Variants in GPC5 observed in about 807,000 individuals in gnomAD.
GPC5 encodes the protein glypican 5.
Under a neutral mutation model 53.9 loss-of-function variants are expected in GPC5, and 47 were observed. The ratio of observed to expected loss-of-function variants is 0.87; its 90% CI spans 0.69 to 1.11. GPC5 has a LOEUF of 1.11. Among genes scored for constraint, GPC5 ranks in the 50% most tolerant of loss-of-function variants. The probability of loss-of-function intolerance (pLI) is 0.00; values close to 1 mark genes in which losing one functional copy is unlikely to be tolerated. For synonymous variants in GPC5, 286 were observed against 263.3 expected (o/e 1.09, Z -0.84); for missense variants, 748 against 713.1 (o/e 1.05, Z -0.56).
At chr13:91,778,887 C>T (rs1401616955) in intron 5 of GPC5, among the ~76,000 whole-genome samples, 3 of 152,236 alleles carry the variant, frequency 2.0e-5, no homozygotes, top group African/African-American at 7.2e-5. Context: ...ACTATATGCT[C>T]CTAGGCTAAG....
At chr13:91,769,613 C>G (rs973630698) in intron 5 of GPC5, among the ~76,000 whole-genome samples, 7 of 152,126 alleles carry the variant, frequency 4.6e-5, no homozygotes, top group Admixed American at 4.6e-4. Flanking sequence ...GGGAAATCAG[C>G]GTGTGTGGCT....
At chr13:92,487,099 G>A (rs1323571549) in intron 7 of GPC5, among the ~76,000 whole-genome samples, 1 of 152,054 alleles carries the variant, frequency 6.6e-6, no homozygotes. Flanking sequence ...CAGGTGATCT[G>A]CCTGCCTCAG....
chr13:92,570,854 C>T (rs1330272006), intron 7 of GPC5, among the ~76,000 whole-genome samples: 1 of 152,062 alleles, frequency 6.6e-6, no homozygotes, highest in Non-Finnish European at 1.5e-5. Context: ...TCACAACAGC[C>T]ACATAAAATG....
chr13:92,646,966 G>A lies in GPC5; in HGVS notation c.1562-219316G>A, dbSNP rs866624049. Among the ~76,000 whole-genome samples, 194 of 145,964 alleles carry A rather than the reference G, an allele frequency of 1.3e-3. 2 individuals are homozygous for A. The highest frequency in any genetic ancestry group is 4.4e-3 in the African/African-American group (160 of 36,702). ...TGTGTGTGTGTGTGTGTGTGTGTGT[G>A]TATATAAACCTGGCATTCTATGACC... On this transcript the variant is annotated intron_variant, in intron 7 of 7. Transcript: ENST00000377067.
chr13:91,459,055 G>GT (rs933281093), intron 2 of GPC5, among the ~76,000 whole-genome samples: 6 of 151,938 alleles, frequency 3.9e-5, no homozygotes, highest in African/African-American at 1.2e-4. Context: ...TTGGGGACTC[G>GT]TGAGGAAGGG....
intron 7 of GPC5, among the ~76,000 whole-genome samples, chr13:92,391,223 C>T (rs866143837): frequency 2.0e-5 from 3 of 152,064 alleles, no homozygotes; most frequent in Non-Finnish European, 4.4e-5. Flanking sequence ...ATTCTCCAAC[C>T]CATTTTTTTA....
intron 7 of GPC5, among the ~76,000 whole-genome samples, chr13:92,222,676 A>G (rs1240748672): frequency 3.3e-5 from 5 of 151,692 alleles, no homozygotes; most frequent in Admixed American, 3.3e-4. Flanking sequence ...ATCCTCCCTT[A>G]TTTTCTTTCA....
chr13:91,571,356 G>C (rs943914182), intron 2 of GPC5, among the ~76,000 whole-genome samples: 7 of 151,988 alleles, frequency 4.6e-5, no homozygotes, highest in African/African-American at 1.7e-4. Context: ...AAATGGGAAG[G>C]GGAAAAGATC....
chr13:92,031,272 T>C (rs993630683), intron 6 of GPC5, among the ~76,000 whole-genome samples: 2 of 152,136 alleles, frequency 1.3e-5, no homozygotes, highest in Non-Finnish European at 1.5e-5. Context: ...ACCATCTTCC[T>C]GTCTTTGAAT....
chr13:92,693,782 A>T (rs1164298166), intron 7 of GPC5, among the ~76,000 whole-genome samples: 1 of 152,180 alleles, frequency 6.6e-6, no homozygotes, highest in Non-Finnish European at 1.5e-5. Context: ...CTGGGGAGAA[A>T]TTCAATCCAC....
At chr13:91,924,697 T>C (rs1414437581) in intron 6 of GPC5, among the ~76,000 whole-genome samples, 1 of 152,164 alleles carries the variant, frequency 6.6e-6, no homozygotes, top group Non-Finnish European at 1.5e-5. Flanking sequence ...GCCGTGATTA[T>C]GCCACTGCAT....
intron 7 of GPC5, among the ~76,000 whole-genome samples, chr13:92,475,498 CTGTT>C (rs1184151794): frequency 1.3e-5 from 2 of 150,016 alleles, no homozygotes; most frequent in African/African-American, 4.9e-5. Flanking sequence ...ATTTGGCTCT[CTGTT>C]TGTCTGTTGT....
chr13:92,396,674 T>C (rs1050841742), intron 7 of GPC5, among the ~76,000 whole-genome samples: 2 of 152,220 alleles, frequency 1.3e-5, no homozygotes, highest in African/African-American at 2.4e-5. Flanking sequence ...TATTCTAATT[T>C]TGATAGTTAC....
chr13:91,927,323 G>A (rs1416186183), intron 6 of GPC5, among the ~76,000 whole-genome samples: 3 of 151,940 alleles, frequency 2.0e-5, no homozygotes, highest in Non-Finnish European at 4.4e-5. Flanking sequence ...ATCATTTTTT[G>A]CGGTCTTAAT....
At chr13:92,183,642 T>C (rs72636811) in intron 7 of GPC5, among the ~76,000 whole-genome samples, 1 of 152,268 alleles carries the variant, frequency 6.6e-6, no homozygotes, top group Non-Finnish European at 1.5e-5. Context: ...TTGGTTGCAA[T>C]AAATGTATAG....
At chr13:91,758,382 T>G (rs1038345806) in intron 5 of GPC5, among the ~76,000 whole-genome samples, 6 of 152,020 alleles carry the variant, frequency 3.9e-5, no homozygotes, top group African/African-American at 1.4e-4. Context: ...ATTTATTATA[T>G]CATATAAATA....
chr13:92,692,871 T>G (rs981679874), intron 7 of GPC5, among the ~76,000 whole-genome samples: 1 of 150,824 alleles, frequency 6.6e-6, no homozygotes, highest in African/African-American at 2.4e-5. Flanking sequence ...AGCACTAATA[T>G]GGTTTGGCTC....
intron 5 of GPC5, among the ~76,000 whole-genome samples, chr13:91,798,541 A>G (rs1216521572): frequency 6.6e-6 from 1 of 152,212 alleles, no homozygotes; most frequent in Non-Finnish European, 1.5e-5. Flanking sequence ...TTATGGCTGC[A>G]TAGTACTCCA....
chr13:92,081,001 T>A (rs557521044), intron 6 of GPC5, among the ~76,000 whole-genome samples: 5 of 152,354 alleles, frequency 3.3e-5, no homozygotes, highest in African/African-American at 1.2e-4. Context: ...GCACTTATTT[T>A]AACATACTTT....
Sources: gnomAD v4.1 joint callset for allele counts (sites outside exome capture counted in the v4.1 genomes callset) on GRCh38, gnomAD v4.1.1 for gene constraint, MANE v1.5 for transcripts, NCBI Gene and HGNC (gene_info 2026-07-23, HGNC 2026-07-21) for gene names.